RIMS1: variants seen among roughly 807,000 people sequenced by gnomAD.
RIMS1 encodes regulating synaptic membrane exocytosis 1, also known as regulating synaptic membrane exocytosis protein 1.
A neutral mutation model predicts 214.1 loss-of-function variants in RIMS1; 83 were observed. That is an observed-to-expected ratio of 0.39 (90% CI 0.32 to 0.47). The LOEUF is 0.47. RIMS1 is among the 20% of genes least tolerant of loss of function. The probability of loss-of-function intolerance (pLI) is 0.99; values close to 1 mark genes in which losing one functional copy is unlikely to be tolerated. For synonymous variants in RIMS1, 793 were observed against 786.8 expected (o/e 1.01, Z -0.13); for missense variants, 2,050 against 2,161.8 (o/e 0.95, Z 1.03).
chr6:72,361,068 A>G (rs1239926536), intron 29 of RIMS1, among the ~76,000 whole-genome samples: 7 of 136,452 alleles, frequency 5.1e-5, no homozygotes, highest in Middle Eastern at 8.1e-3. Flanking sequence ...CTTTTTGAGT[A>G]ATCTTCTGTA....
chr6:71,910,169 G>A (rs1356056406), intron 1 of RIMS1, among the ~76,000 whole-genome samples: 6 of 152,030 alleles, frequency 3.9e-5, no homozygotes, highest in African/African-American at 7.2e-5. Flanking sequence ...TCCTGGTCAG[G>A]AGAAAATTAA....
chr6:72,012,689 C>G (rs1811217513), intron 2 of RIMS1, among the ~76,000 whole-genome samples: 1 of 152,080 alleles, frequency 6.6e-6, no homozygotes, highest in African/African-American at 2.4e-5. Flanking sequence ...GAGAGATGTA[C>G]ACAGCAAGGT....
chr6:72,238,121 G>A (rs868749340), intron 9 of RIMS1, among the ~76,000 whole-genome samples, 199 bp downstream of exon 9: 1 of 151,836 alleles, frequency 6.6e-6, no homozygotes, highest in African/African-American at 2.4e-5. Context: ...GCAATAATAA[G>A]TAACTCTACA....
intron 28 of RIMS1, among the ~76,000 whole-genome samples, chr6:72,328,302 A>G (rs2096548899): frequency 1.3e-5 from 2 of 151,754 alleles, no homozygotes; most frequent in South Asian, 4.1e-4. Context: ...GTCAGGGGGT[A>G]GGGGGCTATG....
intron 6 of RIMS1, among the ~76,000 whole-genome samples, chr6:72,200,297 A>T (rs183157619): frequency 6.6e-6 from 1 of 152,020 alleles, no homozygotes. Flanking sequence ...AGGTTTGGGG[A>T]GTATATTGCT....
chr6:72,165,074 C>T (rs903482002), intron 4 of RIMS1, among the ~76,000 whole-genome samples: 13 of 152,280 alleles, frequency 8.5e-5, no homozygotes, highest in Non-Finnish European at 1.2e-4. Flanking sequence ...TTTCCTTCTA[C>T]GACTCCAATT....
chr6:72,019,440 T>C (rs1358391387), intron 2 of RIMS1, among the ~76,000 whole-genome samples: 1 of 152,238 alleles, frequency 6.6e-6, no homozygotes, highest in Non-Finnish European at 1.5e-5. Context: ...TGTCATGTTA[T>C]GAATAACATG....
intron 29 of RIMS1, among the ~76,000 whole-genome samples, chr6:72,370,225 AGAGG>A (rs2098172747): frequency 1.3e-5 from 2 of 152,292 alleles, no homozygotes; most frequent in East Asian, 3.9e-4. Context: ...TGACCTGAGA[AGAGG>A]CTAGTGGTTT....
At chr6:72,217,641 A>G (rs1331912179) in intron 6 of RIMS1, among the ~76,000 whole-genome samples, 1 of 152,226 alleles carries the variant, frequency 6.6e-6, no homozygotes, top group African/African-American at 2.4e-5. Flanking sequence ...TTGAAAATAC[A>G]AAGATTTAAG....
intron 6 of RIMS1, among the ~76,000 whole-genome samples, chr6:72,190,725 C>T (rs2049945315): frequency 6.6e-6 from 1 of 152,092 alleles, no homozygotes; most frequent in Non-Finnish European, 1.5e-5. Flanking sequence ...TTACTTGTGC[C>T]TCAGGACCTG....
rs750751911 is a variant in RIMS1 at position 72,182,396 on chromosome 6, G to A, written c.925G>A (p.Glu309Lys). The A allele has an allele frequency of 2.5e-6, 4 of 1,613,944 alleles. No individual in the cohort carries two copies. The highest frequency in any genetic ancestry group is 2.2e-5 in the East Asian group (1 of 44,878). Reference sequence around the variant, plus strand: ...CGTGGAGGGGGCCGTCGAAGAACGGGAGCGCAAAGAAAGGCGGGAAAGCCG... The same window carrying A: ...CGTGGAGGGGGCCGTCGAAGAACGGAAGCGCAAAGAAAGGCGGGAAAGCCG... Reference protein sequence around the residue: ...QPVEGAVEERERKERRESRRL... With the variant: ...QPVEGAVEERKRKERRESRRL... The change falls in exon 6 of 34, where the codon GAG becomes AAG. Residue 309 changes from glutamate (E) to lysine (K), a missense_variant. Coordinates refer to ENST00000521978, the MANE Select transcript of RIMS1 (RefSeq NM_014989.7).
intron 2 of RIMS1, among the ~76,000 whole-genome samples, chr6:72,014,523 T>A (rs540366304): frequency 6.6e-6 from 1 of 152,344 alleles, no homozygotes; most frequent in African/African-American, 2.4e-5. Context: ...GTTGGACATT[T>A]GGGTTATTTC....
intron 30 of RIMS1, among the ~76,000 whole-genome samples, chr6:72,391,052 T>TA (rs2098694415): frequency 6.6e-6 from 1 of 152,228 alleles, no homozygotes; most frequent in Admixed American, 6.5e-5. Context: ...GACTCTTTCA[T>TA]ATGGGAAACT....
At chr6:72,186,698 A>G (rs2049143847) in intron 6 of RIMS1, among the ~76,000 whole-genome samples, 1 of 152,172 alleles carries the variant, frequency 6.6e-6, no homozygotes. Context: ...GCCAAATTGC[A>G]TAATAAATTA....
intron 22 of RIMS1, among the ~76,000 whole-genome samples, chr6:72,272,937 TTAAA>T (rs1369172954): frequency 6.6e-6 from 1 of 152,184 alleles, no homozygotes; most frequent in East Asian, 1.9e-4. Flanking sequence ...GACCAATCCT[TTAAA>T]TAATTTTTAA....
At chr6:72,012,712 G>T (rs1811235733) in intron 2 of RIMS1, among the ~76,000 whole-genome samples, 2 of 152,140 alleles carry the variant, frequency 1.3e-5, no homozygotes, top group African/African-American at 2.4e-5. Context: ...TAATAAAGCT[G>T]CTTGGCATTG....
chr6:72,053,622 G>A (rs550770997), intron 2 of RIMS1, among the ~76,000 whole-genome samples: 209 of 152,222 alleles, frequency 1.4e-3, no homozygotes, highest in African/African-American at 4.7e-3. Flanking sequence ...CAAGTGAGGT[G>A]CATTTCATTC....
intron 22 of RIMS1, among the ~76,000 whole-genome samples, chr6:72,270,498 C>T (rs2082524683): frequency 6.6e-6 from 1 of 152,036 alleles, no homozygotes; most frequent in Admixed American, 6.6e-5. Flanking sequence ...TAAAAAACAC[C>T]TTCTACTTTT....
At position 72,290,777 on chromosome 6, in the gene RIMS1, G is replaced by A. The variant is rs1363212385; in HGVS notation, c.3653G>A (p.Ser1218Asn). ...RGKHPARSRS[S>N]EHSSIRTLCS... ...AAACATCCTGCTCGCTCAAGGTCGA[G>A]TGAGCACTCTAGTATCAGAACACTG... The change falls in exon 25 of 34, where the codon AGT becomes AAT. Residue 1218 changes from serine to asparagine, a missense_variant. Transcript: ENST00000521978. The A allele has an allele frequency of 1.2e-6, 2 of 1,613,758 alleles. No homozygotes were observed. Among genetic ancestry groups the A allele is most frequent in the Non-Finnish European group, 1.7e-6 (2 of 1,179,814 alleles).
Sources: gnomAD v4.1 joint callset for allele counts (sites outside exome capture counted in the v4.1 genomes callset) on GRCh38, gnomAD v4.1.1 for gene constraint, MANE v1.5 for transcripts, NCBI Gene and HGNC (gene_info 2026-07-23, HGNC 2026-07-21) for gene names.